Variants in IL34 observed in about 807,000 individuals in gnomAD.
IL34 encodes interleukin 34, also known as interleukin-34.
IL34 carries 17 observed loss-of-function variants against 25.3 expected under a neutral mutation model. The observed-to-expected ratio is 0.67, with a 90% CI of 0.46 to 1.01. IL34 has a LOEUF of 1.01. Among genes scored for constraint, IL34 ranks in the 50% least tolerant of loss-of-function variants. The probability of loss-of-function intolerance (pLI) is 0.00; values close to 1 mark genes in which losing one functional copy is unlikely to be tolerated. For synonymous variants in IL34, 174 were observed against 140.9 expected, an observed-to-expected ratio of 1.23 and a Z score of -1.66; for missense variants, 368 against 312.9, an observed-to-expected ratio of 1.18 and a Z score of -1.33.
At chr16:70,609,671 C>T (rs1352221553) in intron 1 of IL34, among the ~76,000 whole-genome samples, 1 of 152,138 alleles carries the variant, frequency 6.6e-6, no homozygotes, top group Non-Finnish European at 1.5e-5. Context: ...GGACTACAGC[C>T]TGGAGGTGTA....
chr16:70,618,433 G>A (rs1010709273), intron 1 of IL34, among the ~76,000 whole-genome samples: 10 of 152,114 alleles, frequency 6.6e-5, no homozygotes, highest in East Asian at 3.9e-4. Flanking sequence ...TGAAGGAGCC[G>A]GGAAGCAGAA....
intron 1 of IL34, among the ~76,000 whole-genome samples, chr16:70,626,245 CTTTTA>C (rs576352983): frequency 1.4e-3 from 220 of 152,092 alleles, no homozygotes; most frequent in African/African-American, 4.0e-3. Flanking sequence ...TAGTGTGTCT[CTTTTA>C]TTTTATTAAT....
intron 1 of IL34, among the ~76,000 whole-genome samples, chr16:70,620,684 G>A (rs909074876): frequency 6.6e-6 from 1 of 152,024 alleles, no homozygotes; most frequent in Non-Finnish European, 1.5e-5. Context: ...TGGACGTCAG[G>A]CACCTCAGAC....
At chr16:70,642,487 G>A (rs191281035), upstream of IL34, among the ~76,000 whole-genome samples, 41 of 152,006 alleles carry the variant, frequency 2.7e-4, no homozygotes, top group East Asian at 7.0e-3. Context: ...TAGTGGAGAC[G>A]GTGTTTCACC....
chr16:70,587,722 GGCT>G (rs1427420896), intron 1 of IL34, among the ~76,000 whole-genome samples: 1 of 151,658 alleles, frequency 6.6e-6, no homozygotes, highest in Non-Finnish European at 1.5e-5. Context: ...CCTTCAGGAT[GGCT>G]GCTATCAAAA....
intron 1 of IL34, among the ~76,000 whole-genome samples, chr16:70,626,482 T>C (rs1378114315): frequency 1.3e-5 from 2 of 152,146 alleles, no homozygotes; most frequent in African/African-American, 2.4e-5. Flanking sequence ...CTGCAACCTC[T>C]GCCTCCCAGG....
chr16:70,632,400 C>T (rs1597760573), intron 1 of IL34, among the ~76,000 whole-genome samples: 1 of 152,180 alleles, frequency 6.6e-6, no homozygotes, highest in African/African-American at 2.4e-5. Context: ...AAGTTAAAAA[C>T]AAAATCTCCT....
At chr16:70,628,993 T>G (rs1383131160) in intron 1 of IL34, among the ~76,000 whole-genome samples, 2 of 152,124 alleles carry the variant, frequency 1.3e-5, no homozygotes, top group Non-Finnish European at 2.9e-5. Context: ...TCTTGGTATG[T>G]TGCCCAGGCT....
intron 1 of IL34, among the ~76,000 whole-genome samples, chr16:70,606,903 T>C (rs904621596): frequency 6.6e-6 from 1 of 152,148 alleles, no homozygotes; most frequent in East Asian, 1.9e-4. Context: ...TTTTTATTGC[T>C]GAGTAGTATT....
rs530414523 is a variant in IL34, at chr16:70,648,334, C to T, written c.28+1359C>T. On this transcript the variant is annotated intron_variant, in intron 1 of 5. Transcript: ENST00000288098. ...ACTGTGGGAGGCCAAGGCAGGAGGA[C>T]GGCTTGAGGCCAGGAGTTTGAAACC... Among the ~76,000 whole-genome samples, 18 of 151,988 alleles carry T rather than the reference C, an allele frequency of 1.2e-4. No homozygotes were observed. The South Asian group carries it at 1.2e-3, about 11-fold the overall frequency.
chr16:70,648,390 T>TA (rs1427470319), intron 1 of IL34, among the ~76,000 whole-genome samples: 1 of 151,264 alleles, frequency 6.6e-6, no homozygotes, highest in Non-Finnish European at 1.5e-5. Context: ...ACTCCATCTC[T>TA]AAAAAAAGGA....
At chr16:70,645,608 C>G (rs1232340516), upstream of IL34, among the ~76,000 whole-genome samples, 1 of 152,210 alleles carries the variant, frequency 6.6e-6, no homozygotes, top group Non-Finnish European at 1.5e-5. Context: ...GGAGCAGCCA[C>G]CAGCCCACAG....
chr16:70,630,457 C>T (rs926233530), intron 1 of IL34, among the ~76,000 whole-genome samples: 1 of 151,166 alleles, frequency 6.6e-6, no homozygotes, highest in Non-Finnish European at 1.5e-5. Flanking sequence ...GTCTCGAATT[C>T]CTGACCTCAG....
At chr16:70,656,195 C>T (rs2052214639) in intron 2 of IL34, among the ~76,000 whole-genome samples, 2 of 152,168 alleles carry the variant, frequency 1.3e-5, no homozygotes, top group Admixed American at 6.5e-5. Flanking sequence ...CACAGGACCA[C>T]CTCTGCCGTC....
intron 1 of IL34, among the ~76,000 whole-genome samples, chr16:70,653,305 G>T (rs2151879364): frequency 6.8e-6 from 1 of 147,030 alleles, no homozygotes; most frequent in South Asian, 2.2e-4. Context: ...TTGACACTAG[G>T]AGTTTCAGAC....
chr16:70,630,573 C>G (rs1271157778), intron 1 of IL34, among the ~76,000 whole-genome samples: 1 of 150,620 alleles, frequency 6.6e-6, no homozygotes, highest in Non-Finnish European at 1.5e-5. Flanking sequence ...CTCTCCTCTT[C>G]TTTCTTTTTT....
At chr16:70,640,626 T>TAAA (rs149787357) in intron 1 of IL34, among the ~76,000 whole-genome samples, 75 of 131,810 alleles carry the variant, frequency 5.7e-4, no homozygotes, top group African/African-American at 1.9e-3. Flanking sequence ...TCCGTCTCAA[T>TAAA]AAAAAAAAAA....
chr16:70,628,786 C>CTTTT (rs71387533), intron 1 of IL34, among the ~76,000 whole-genome samples: 11 of 115,138 alleles, frequency 9.6e-5, no homozygotes, highest in African/African-American at 1.6e-4. Context: ...CACACCTGGT[C>CTTTT]TTTTTTTTTT....
At chr16:70,597,534 C>T (rs141594029) in intron 1 of IL34, among the ~76,000 whole-genome samples, 1 of 152,274 alleles carries the variant, frequency 6.6e-6, no homozygotes, top group Admixed American at 6.5e-5. Flanking sequence ...CTGCCTCTAG[C>T]CCAGTTTTTT....
Sources: allele counts gnomAD v4.1 joint callset (sites outside exome capture counted in the v4.1 genomes callset), GRCh38; gene constraint gnomAD v4.1.1; transcripts MANE v1.5; gene names NCBI Gene and HGNC (gene_info 2026-07-23, HGNC 2026-07-21).